Variants in HSPG2 observed in about 807,000 individuals in gnomAD.
HSPG2 encodes basement membrane-specific heparan sulfate proteoglycan core protein.
In HSPG2, 278 loss-of-function variants were observed where a neutral mutation model predicts 526.6. The observed-to-expected ratio is 0.53, with a 90% CI of 0.48 to 0.58. The LOEUF is 0.58. HSPG2 is among the 20% of genes least tolerant of loss of function. The pLI, the probability that HSPG2 is intolerant of heterozygous loss-of-function variation, is 0.00. For missense variants in HSPG2, 5,354 were observed against 6,099.5 expected (o/e 0.88, Z 4.07); for synonymous variants, 2,465 against 2,555.4 (o/e 0.96, Z 1.07).
Position 21,853,027 on chromosome 1 carries a change from TGAG to T in HSPG2, c.6480_6482del (p.Ser2161del). On this transcript the variant is annotated inframe_deletion, in exon 51 of 97. Coordinates refer to ENST00000374695, the MANE Select transcript of HSPG2 (RefSeq NM_005529.7). ...CCAGGGTCTGCCCTTCCGCCACGTG[TGAG>T]GAGGAGGGCTCGATGCGGATGGGCC... is the stretch of plus-strand genomic sequence containing the variant. 1 of 1,613,760 alleles carries T rather than the reference TGAG, an allele frequency of 6.2e-7. No homozygotes were observed. Among genetic ancestry groups the T allele is most frequent in the African/African-American group, 1.3e-5 (1 of 75,012 alleles).
chr1:21,843,244 G>C, intron 66 of HSPG2, 53 bp downstream of exon 66: 1 of 1,610,950 alleles, frequency 6.2e-7, no homozygotes, highest in Non-Finnish European at 8.5e-7. Flanking sequence ...GCAGAGCTGG[G>C]AAGGAGCCCC....
intron 1 of HSPG2, among the ~76,000 whole-genome samples, chr1:21,923,824 T>C (rs1644111045): frequency 6.6e-6 from 1 of 152,236 alleles, no homozygotes; most frequent in South Asian, 2.1e-4. Context: ...AGGCCTCGCA[T>C]ACCGCTGTCA....
intron 1 of HSPG2, among the ~76,000 whole-genome samples, chr1:21,932,370 G>A (rs1424944014): frequency 6.6e-6 from 1 of 152,240 alleles, no homozygotes; most frequent in South Asian, 2.1e-4. Context: ...CACTGGGCAA[G>A]TTACGTAACC....
chr1:21,858,083 T>C lies in HSPG2; in HGVS notation c.5294-698A>G, dbSNP rs968017456. On this transcript the variant is annotated intron_variant, in intron 42 of 96. Transcript: ENST00000374695. The surrounding 1 kb of genome is among the most constrained non-coding windows in gnomAD (Gnocchi z 4.2). ...ATGCTCTCGCAGTCAATGACCCACT[T>C]CCTGGCCTCCCTTCAGAGCCAAGAC... 1.4e-4 allele frequency among the ~76,000 whole-genome samples: 21 copies of C among 152,258 alleles called. No individual in the cohort carries two copies. Among genetic ancestry groups the C allele is most frequent in the Admixed American group, 1.4e-3 (21 of 15,296 alleles).
chr1:21,901,193 A>G (rs1362760223), intron 1 of HSPG2, among the ~76,000 whole-genome samples: 1 of 152,198 alleles, frequency 6.6e-6, no homozygotes, highest in Non-Finnish European at 1.5e-5. Context: ...CTGGATGAAG[A>G]AACTGAGGCT....
chr1:21,822,276 C>G lies in HSPG2; in HGVS notation c.*1040G>C. ...GATAGCACCGTTTATTAAGAAAAATCAAGACAAAGACCACAGGAGGGTCCC... is the reference window on the plus strand; with the variant it reads ...GATAGCACCGTTTATTAAGAAAAATGAAGACAAAGACCACAGGAGGGTCCC... On this transcript the variant is annotated 3_prime_UTR_variant, in exon 97 of 97. Transcript: ENST00000374695. 6.4e-7 allele frequency: 1 copy of G among 1,557,830 alleles called. No homozygotes were observed. The highest frequency in any genetic ancestry group is 1.1e-5 in the South Asian group (1 of 89,928).
Position 21,851,602 on chromosome 1 carries a change from A to G in HSPG2, c.7102T>C (p.Ser2368Pro). 1 of 1,602,798 alleles carries G rather than the reference A, an allele frequency of 6.2e-7. No individual in the cohort carries two copies. The highest frequency in any genetic ancestry group is 1.1e-5 in the South Asian group (1 of 89,520). ...LDLNCVVPGQ[S>P]HAQVTWHKRG... The stretch of plus-strand genomic sequence containing the variant: ...TTGTGCCACGTGACCTGGGCATGGG[A>G]CTGCCCGGGCACCACGCAGTTCAGA... Residue 2368 changes from serine (S) to proline (P), a missense_variant, in exon 55 of 97, where the codon TCC becomes CCC. Coordinates refer to ENST00000374695, the MANE Select transcript of HSPG2 (RefSeq NM_005529.7).
At chr1:21,908,544 G>C (rs1643501432) in intron 1 of HSPG2, 1 of 935,316 alleles carries the variant, frequency 1.1e-6, no homozygotes. Context: ...AGGAGCCTGA[G>C]CTGCTGGAAC....
intron 52 of HSPG2, 58 bp from the exon 53 acceptor site, chr1:21,852,291 G>T: frequency 6.2e-7 from 1 of 1,601,774 alleles, no homozygotes; most frequent in Non-Finnish European, 8.6e-7. Context: ...AGAGGGCAGG[G>T]GTTGCCCACC....
Position 21,849,030 on chromosome 1 carries a change from A to G in HSPG2, c.7448T>C (p.Val2483Ala). ...GAGCAGGCGTAGCCTCGAGCCATGC[A>G]CCTGGGAGGGTCAGGAGGGAGGAGG... ...RGGSLPARHQ[V>A]HGSRLRLLQV... Residue 2483 changes from valine (V) to alanine (A), a missense_variant and splice_region_variant, in exon 58 of 97, where the codon GTG (valine) becomes GCG (alanine). Val to Ala is a moderately conservative substitution (Grantham distance 64, BLOSUM62 0). Coordinates refer to ENST00000374695, the MANE Select transcript of HSPG2 (RefSeq NM_005529.7). 6.2e-7 allele frequency: 1 copy of G among 1,613,774 alleles called. No homozygotes were observed.
intron 95 of HSPG2, 152 bp downstream of exon 95, chr1:21,823,969 G>A: frequency 1.2e-6 from 1 of 854,262 alleles, no homozygotes. Context: ...CGAGATGGAA[G>A]CCCGAGCCCT....
At chr1:21,894,543 C>CTGGTCT (rs1045682017) in intron 3 of HSPG2, among the ~76,000 whole-genome samples, 10 of 152,168 alleles carry the variant, frequency 6.6e-5, no homozygotes, top group Admixed American at 2.0e-4. Context: ...GGCACCTACC[C>CTGGTCT]TGGTCTTGGG....
At chr1:21,837,996 C>T (rs751001364) in intron 74 of HSPG2, among the ~76,000 whole-genome samples, 13 of 151,728 alleles carry the variant, frequency 8.6e-5, no homozygotes, top group African/African-American at 1.2e-4. Context: ...ATTAGCCAAG[C>T]GTGGTGGCGC....
Position 21,876,604 on chromosome 1 carries a change from G to A in HSPG2, c.2734C>T (p.His912Tyr), listed in dbSNP as rs561660984. The change falls in exon 22 of 97, where the codon CAC (histidine) becomes TAC (tyrosine). Residue 912 changes from histidine to tyrosine, a missense_variant. Transcript: ENST00000374695. ...CCATCGGGGTTTCGGGTACTCAGGT[G>A]GAAAGAGCCGTCAGCACATTCATTG... Reference protein sequence around the residue: ...LCNECADGSFHLSTRNPDGCL... With the variant: ...LCNECADGSFYLSTRNPDGCL... 1 of 1,614,230 alleles carries A rather than the reference G, an allele frequency of 6.2e-7. No individual in the cohort carries two copies. Among genetic ancestry groups the A allele is most frequent in the South Asian group, 1.1e-5 (1 of 91,086 alleles).
At position 21,872,343 on chromosome 1, in the gene HSPG2, C is replaced by G. The variant is rs1448153387; in HGVS notation, c.4064G>C (p.Gly1355Ala). The stretch of plus-strand genomic sequence containing the variant: ...TCGCTGTGGGTTCACCAGGGCAAAG[C>G]CTTGGAAGTCCCCAGGGGCAAAGTG... ...STHFAPGDFQ[G>A]FALVNPQRNS... is the part of the protein sequence containing the mutation. Residue 1355 changes from glycine (G) to alanine (A), a missense_variant, in exon 33 of 97, where the codon GGC (glycine) becomes GCC (alanine). Transcript: ENST00000374695. The surrounding 1 kb of genome is among the most constrained non-coding windows in gnomAD (Gnocchi z 5.5). 2.5e-6 allele frequency: 4 copies of G among 1,580,426 alleles called. No homozygotes were observed. The highest frequency in any genetic ancestry group is 1.3e-5 in the African/African-American group (1 of 74,100).
chr1:21,877,359 G>A (rs1026729549), intron 21 of HSPG2, among the ~76,000 whole-genome samples: 7 of 152,086 alleles, frequency 4.6e-5, no homozygotes, highest in Non-Finnish European at 1.0e-4. Context: ...TTCACATGAG[G>A]AAACAGAGGC....
intron 1 of HSPG2, among the ~76,000 whole-genome samples, chr1:21,934,670 A>G (rs1644437311): frequency 6.6e-6 from 1 of 151,092 alleles, no homozygotes. Flanking sequence ...ATCTCGGCTC[A>G]CTGCAAGCTC....
At chr1:21,885,833 C>T (rs989193361) in intron 9 of HSPG2, among the ~76,000 whole-genome samples, 3 of 152,246 alleles carry the variant, frequency 2.0e-5, no homozygotes, top group African/African-American at 7.2e-5. Context: ...CAATGCCCCG[C>T]CCACCCTTCT....
rs760861320 is a variant in HSPG2 at position 21,875,002 on chromosome 1, C to G, written c.3303G>C (p.Arg1101Ser). 4 of 1,592,310 alleles carry G rather than the reference C, an allele frequency of 2.5e-6. No individual in the cohort carries two copies. Among genetic ancestry groups the G allele is most frequent in the East Asian group, 2.3e-5 (1 of 44,102 alleles). ...CCACGTCCATGCTGATGCCAGAGAC[C>G]CTGGGCGTGACAAGACCCAGCGTGA... Reference protein sequence around the residue: ...ASYAQQPAESRVSGISMDVAV... With the variant: ...ASYAQQPAESSVSGISMDVAV... The change falls in exon 26 of 97, where the codon AGG becomes AGC. Residue 1101 changes from arginine (R) to serine (S), a missense_variant and splice_region_variant. Transcript: ENST00000374695.
Sources: allele counts gnomAD v4.1 joint callset (sites outside exome capture counted in the v4.1 genomes callset), GRCh38; gene constraint gnomAD v4.1.1; non-coding constraint Gnocchi (gnomAD v3.1); transcripts MANE v1.5; gene names NCBI Gene and HGNC (gene_info 2026-07-23, HGNC 2026-07-21).